IL1RL2: variants seen among roughly 807,000 people sequenced by gnomAD.
IL1RL2 encodes the protein interleukin-1 receptor-like 2.
IL1RL2 carries 68 observed loss-of-function variants against 66.8 expected under a neutral mutation model. That is an observed-to-expected ratio of 1.02 (90% CI 0.84 to 1.25). IL1RL2 has a LOEUF of 1.25. IL1RL2 is among the 50% of genes most tolerant of loss of function. IL1RL2 has a pLI of 0.00. For synonymous variants in IL1RL2, 305 were observed against 264.6 expected (o/e 1.15, Z -1.48); for missense variants, 729 against 709.3 (o/e 1.03, Z -0.32).
Position 102,201,610 on chromosome 2 carries a change from G to A in IL1RL2, c.544G>A (p.Val182Met). The A allele has an allele frequency of 6.2e-7, 1 of 1,614,104 alleles. No individual in the cohort carries two copies. Reference protein sequence around the residue: ...RFTVLETRLLVSNVSAEDRGN... With the variant: ...RFTVLETRLLMSNVSAEDRGN... ...CACTGTTTTGGAAACCAGGCTTTTG[G>A]TGAGCAATGTCTCGGCAGAGGACAG... Residue 182 changes from valine (V) to methionine (M), a missense_variant, in exon 5 of 12, where the codon GTG (valine) becomes ATG (methionine). By Grantham distance (21) the Val-to-Met change is conservative (BLOSUM62 1). Transcript: ENST00000264257.
At chr2:102,227,199 A>G (rs1439717547) in intron 9 of IL1RL2, among the ~76,000 whole-genome samples, 1 of 152,182 alleles carries the variant, frequency 6.6e-6, no homozygotes, top group Non-Finnish European at 1.5e-5. Flanking sequence ...GGTGCAGCTG[A>G]TCTGTGTGGA....
intron 8 of IL1RL2, among the ~76,000 whole-genome samples, chr2:102,221,393 C>T (rs1418294439): frequency 6.6e-6 from 1 of 152,208 alleles, no homozygotes; most frequent in Non-Finnish European, 1.5e-5. Flanking sequence ...CCCATGACAG[C>T]TCTGCGTTTC....
At chr2:102,193,228 T>G (rs1230806284) in intron 4 of IL1RL2, among the ~76,000 whole-genome samples, 1 of 152,166 alleles carries the variant, frequency 6.6e-6, no homozygotes, top group African/African-American at 2.4e-5. Context: ...TGGAAGTGAG[T>G]GTCCTTATAC....
At chr2:102,222,333 T>A (rs1578171500) in intron 8 of IL1RL2, among the ~76,000 whole-genome samples, 1 of 152,224 alleles carries the variant, frequency 6.6e-6, no homozygotes, top group Non-Finnish European at 1.5e-5. Flanking sequence ...AGAATACTGC[T>A]ATGGAAATTC....
At chr2:102,205,151 A>G (rs1434974792) in intron 5 of IL1RL2, among the ~76,000 whole-genome samples, 2 of 152,076 alleles carry the variant, frequency 1.3e-5, no homozygotes, top group Non-Finnish European at 2.9e-5. Flanking sequence ...AAAATTTTAC[A>G]CCTTAACTTT....
intron 4 of IL1RL2, 147 bp downstream of exon 4, chr2:102,192,267 C>T (rs186480938): frequency 2.3e-5 from 12 of 511,976 alleles, no homozygotes; most frequent in East Asian, 1.4e-4. Context: ...TCATTGATAA[C>T]GTTACCTTCC....
chr2:102,222,847 G>C (rs1559554531), intron 8 of IL1RL2, among the ~76,000 whole-genome samples: 1 of 152,192 alleles, frequency 6.6e-6, no homozygotes, highest in Non-Finnish European at 1.5e-5. Context: ...AGAAGCCTTG[G>C]AGAGTCCAGG....
At chr2:102,187,746 A>C in intron 1 of IL1RL2, 110 bp from the exon 2 acceptor site, 1 of 900,894 alleles carries the variant, frequency 1.1e-6, no homozygotes, top group African/African-American at 1.6e-5. Flanking sequence ...GAAAAAGGGA[A>C]GGTCAGCGGC....
chr2:102,201,360 T>C (rs575876084), intron 4 of IL1RL2, among the ~76,000 whole-genome samples, 196 bp from the exon 5 acceptor site: 2 of 152,218 alleles, frequency 1.3e-5, no homozygotes, highest in South Asian at 2.1e-4. Flanking sequence ...TATATACACA[T>C]TATATACAGA....
chr2:102,191,067 A>G (rs1280819525), intron 3 of IL1RL2, among the ~76,000 whole-genome samples: 1 of 152,130 alleles, frequency 6.6e-6, no homozygotes, highest in African/African-American at 2.4e-5. Flanking sequence ...GTTTTTAAGA[A>G]TATATTTTTA....
At chr2:102,235,562 C>A in intron 11 of IL1RL2, 1 of 985,398 alleles carries the variant, frequency 1.0e-6, no homozygotes, top group Non-Finnish European at 1.2e-6. Flanking sequence ...GCACTTGGGC[C>A]CCTTGAGAAC....
chr2:102,223,690 T>C (rs1690345289), intron 8 of IL1RL2, among the ~76,000 whole-genome samples: 1 of 152,204 alleles, frequency 6.6e-6, no homozygotes, highest in Admixed American at 6.5e-5. Flanking sequence ...CCAGAGGCTT[T>C]CTGAGCCTCA....
intron 4 of IL1RL2, among the ~76,000 whole-genome samples, chr2:102,199,621 T>C (rs1173562575): frequency 2.0e-5 from 3 of 152,222 alleles, no homozygotes; most frequent in African/African-American, 4.8e-5. Context: ...GAAATAATGT[T>C]CCAGTGGATC....
chr2:102,234,673 G>C (rs539690938), intron 10 of IL1RL2, among the ~76,000 whole-genome samples: 42 of 152,210 alleles, frequency 2.8e-4, no homozygotes, highest in African/African-American at 9.6e-4. Context: ...TGTAATCCCA[G>C]GTACTTAGGA....
chr2:102,222,030 T>A (rs914009795), intron 8 of IL1RL2, among the ~76,000 whole-genome samples: 2 of 152,226 alleles, frequency 1.3e-5, no homozygotes, highest in African/African-American at 2.4e-5. Flanking sequence ...CCCCTCCTGA[T>A]AATCATCCCC....
At chr2:102,229,265 T>C (rs920251202) in intron 9 of IL1RL2, among the ~76,000 whole-genome samples, 1 of 152,210 alleles carries the variant, frequency 6.6e-6, no homozygotes, top group African/African-American at 2.4e-5. Flanking sequence ...CTCTGCTTCT[T>C]TGCTAGGGTG....
intron 4 of IL1RL2, 62 bp from the exon 5 acceptor site, chr2:102,201,494 A>T (rs2302623): frequency 0.34 from 500,350 of 1,488,124 alleles, 87,425 homozygotes; most frequent in South Asian, 0.37. Context: ...TTACCTAAAT[A>T]CTAGGGATCA....
intron 2 of IL1RL2, 83 bp from the exon 3 acceptor site, chr2:102,188,993 G>A (rs1686975201): frequency 1.0e-6 from 1 of 964,300 alleles, no homozygotes; most frequent in Non-Finnish European, 1.5e-6. Flanking sequence ...GAAAATTGAA[G>A]AGGCATTTAA....
chr2:102,196,907 C>A (rs1380301296), intron 4 of IL1RL2, among the ~76,000 whole-genome samples: 1 of 152,110 alleles, frequency 6.6e-6, no homozygotes, highest in Non-Finnish European at 1.5e-5. Flanking sequence ...ATGGCATGAG[C>A]AAATTCACAT....
Sources: allele counts gnomAD v4.1 joint callset (sites outside exome capture counted in the v4.1 genomes callset), GRCh38; gene constraint gnomAD v4.1.1; transcripts MANE v1.5; gene names NCBI Gene and HGNC (gene_info 2026-07-23, HGNC 2026-07-21).